COL25A1: variants seen among roughly 807,000 people sequenced by gnomAD.
COL25A1 encodes the protein collagen alpha-1(XXV) chain.
Under a neutral mutation model 128.4 loss-of-function variants are expected in COL25A1, and 103 were observed. The ratio of observed to expected loss-of-function variants is 0.80; its 90% CI spans 0.68 to 0.94. COL25A1 has a LOEUF of 0.94. Among genes scored for constraint, COL25A1 ranks in the 40% least tolerant of loss-of-function variants. The pLI, the probability that COL25A1 is intolerant of heterozygous loss-of-function variation, is 0.00. For synonymous variants in COL25A1, 279 were observed against 277.2 expected, an observed-to-expected ratio of 1.01 and a Z score of -0.06; for missense variants, 745 against 840.0, an observed-to-expected ratio of 0.89 and a Z score of 1.40.
intron 3 of COL25A1, among the ~76,000 whole-genome samples, chr4:109,288,108 A>G (rs1724067911): frequency 6.6e-6 from 1 of 152,162 alleles, no homozygotes; most frequent in Non-Finnish European, 1.5e-5. Flanking sequence ...ATATGCTCAT[A>G]TCAGGCAAAT....
At chr4:108,902,827 G>C (rs2125867877) in intron 13 of COL25A1, among the ~76,000 whole-genome samples, 1 of 152,008 alleles carries the variant, frequency 6.6e-6, no homozygotes, top group South Asian at 2.1e-4. Context: ...ATTTTGATAT[G>C]CCATTTGTAC....
chr4:109,176,210 T>C (rs1178681275), intron 3 of COL25A1, among the ~76,000 whole-genome samples: 1 of 152,100 alleles, frequency 6.6e-6, no homozygotes, highest in African/African-American at 2.4e-5. Context: ...GCCAACATGG[T>C]GAAACCCTGT....
At chr4:109,027,076 G>A (rs115857436) in intron 5 of COL25A1, among the ~76,000 whole-genome samples, 1 of 152,294 alleles carries the variant, frequency 6.6e-6, no homozygotes, top group Non-Finnish European at 1.5e-5. Context: ...CAGTGTGCAG[G>A]CATTCTTCAG....
chr4:109,268,165 C>T (rs1355733937), intron 3 of COL25A1, among the ~76,000 whole-genome samples: 4 of 152,178 alleles, frequency 2.6e-5, no homozygotes, highest in Admixed American at 2.0e-4. Context: ...TATCAAAGCA[C>T]AATTACTTTT....
intron 20 of COL25A1, among the ~76,000 whole-genome samples, chr4:108,867,815 C>G (rs533733549): frequency 6.6e-6 from 1 of 152,222 alleles, no homozygotes; most frequent in Non-Finnish European, 1.5e-5. Flanking sequence ...ATCATCAGAG[C>G]TGTACTTTTT....
At chr4:108,853,526 GATTT>G (rs1043452143) in intron 24 of COL25A1, among the ~76,000 whole-genome samples, 30 of 152,010 alleles carry the variant, frequency 2.0e-4, no homozygotes, top group Admixed American at 3.9e-4. Context: ...TTGATTGATT[GATTT>G]ATTATACTTA....
chr4:108,821,866 C>T (rs7685435), intron 35 of COL25A1, among the ~76,000 whole-genome samples: 1,697 of 152,030 alleles, frequency 0.011, 29 homozygotes, highest in African/African-American at 0.038. Flanking sequence ...ATGAATTATT[C>T]GCATTTAGAA....
intron 3 of COL25A1, among the ~76,000 whole-genome samples, chr4:109,084,631 C>T (rs1764197159): frequency 6.6e-6 from 1 of 152,176 alleles, no homozygotes; most frequent in African/African-American, 2.4e-5. Context: ...TGTTATTATA[C>T]AAGCAATGCT....
At chr4:109,248,849 G>A (rs1171209563) in intron 3 of COL25A1, among the ~76,000 whole-genome samples, 2 of 152,150 alleles carry the variant, frequency 1.3e-5, no homozygotes, top group Admixed American at 6.5e-5. Flanking sequence ...TAAAGTCCTT[G>A]ATAAGAAGAA....
intron 3 of COL25A1, among the ~76,000 whole-genome samples, chr4:109,093,243 G>A (rs1238229962): frequency 1.3e-5 from 2 of 152,072 alleles, no homozygotes; most frequent in African/African-American, 2.4e-5. Flanking sequence ...CCCCTATTTA[G>A]TCTAAGATGA....
intron 3 of COL25A1, among the ~76,000 whole-genome samples, chr4:109,070,028 G>T (rs373908082): frequency 2.0e-5 from 3 of 150,186 alleles, no homozygotes; most frequent in African/African-American, 7.3e-5. Context: ...AGGCCAAGGT[G>T]GGCAGATCAC....
chr4:109,203,420 C>G (rs1389091840), intron 3 of COL25A1, among the ~76,000 whole-genome samples: 1 of 151,924 alleles, frequency 6.6e-6, no homozygotes, highest in Non-Finnish European at 1.5e-5. Context: ...AAATTAAGAG[C>G]TGATGGAGTC....
intron 3 of COL25A1, among the ~76,000 whole-genome samples, chr4:109,257,736 T>C (rs1781172380): frequency 1.3e-5 from 2 of 152,116 alleles, no homozygotes; most frequent in Admixed American, 6.6e-5. Flanking sequence ...TGTCTCCAGA[T>C]TAAAGGTAAT....
intron 3 of COL25A1, among the ~76,000 whole-genome samples, chr4:109,111,099 T>C (rs1414487045): frequency 6.6e-6 from 1 of 152,226 alleles, no homozygotes; most frequent in Non-Finnish European, 1.5e-5. Context: ...GATTTTTCTC[T>C]ACCTCCTCCC....
rs1015190744 is a variant in COL25A1 at position 108,955,502 on chromosome 4, C to G, written c.493-14065G>C. On this transcript the variant is annotated intron_variant, in intron 8 of 37. Transcript: ENST00000399132. ...AAATTGCAGAGTGGACTTCCCTTCC[C>G]CTCTCCTATTCTTTGTAGGATTTCC... 4.6e-5 allele frequency among the ~76,000 whole-genome samples: 7 copies of G among 152,178 alleles called. No homozygotes were observed. In the East Asian group the frequency reaches 1.4e-3, roughly 29 times the overall value.
chr4:109,030,759 TG>T (rs1758773987), intron 5 of COL25A1, among the ~76,000 whole-genome samples: 3 of 152,044 alleles, frequency 2.0e-5, no homozygotes, highest in African/African-American at 4.8e-5. Flanking sequence ...TTCATTTTGT[TG>T]TTGTTGTTGT....
At chr4:109,077,493 A>T (rs1763484246) in intron 3 of COL25A1, among the ~76,000 whole-genome samples, 1 of 147,358 alleles carries the variant, frequency 6.8e-6, no homozygotes, top group Non-Finnish European at 1.5e-5. Context: ...TTTAAACATT[A>T]CTTTCTTCAG....
chr4:109,100,848 T>C (rs983407671), intron 3 of COL25A1, among the ~76,000 whole-genome samples: 1 of 152,152 alleles, frequency 6.6e-6, no homozygotes, highest in African/African-American at 2.4e-5. Context: ...AGTGAAATAC[T>C]CCCGATTCCA....
rs1400330672 is a variant in COL25A1, at chr4:108,889,418, T to G, written c.940-162A>C. ...CTCTACATCTCACTAGACATACGGA[T>G]TTTTTTTTTTTTTTTTTTTGCTGTA... On this transcript the variant is annotated intron_variant, in intron 17 of 37. Transcript: ENST00000399132. Among the ~76,000 whole-genome samples, 2 of 11,214 alleles carry G rather than the reference T, an allele frequency of 1.8e-4. 1 individual carries two copies. Among genetic ancestry groups the G allele is most frequent in the South Asian group, 0.011 (2 of 176 alleles). 7.4% of individuals were successfully genotyped at this position (11,214 alleles called of 152,430 possible).
Sources: allele counts gnomAD v4.1 joint callset (sites outside exome capture counted in the v4.1 genomes callset), GRCh38; gene constraint gnomAD v4.1.1; transcripts MANE v1.5; gene names NCBI Gene and HGNC (gene_info 2026-07-23, HGNC 2026-07-21).